The following NOL4 variants were observed in gnomAD, a reference collection of about 807,000 sequenced individuals.
The protein encoded by NOL4 is nucleolar protein 4.
A neutral mutation model predicts 75.9 loss-of-function variants in NOL4; 17 were observed. The observed-to-expected ratio is 0.22, with a 90% CI of 0.15 to 0.34. NOL4 has a LOEUF of 0.34. Among genes scored for constraint, NOL4 ranks in the 10% least tolerant of loss-of-function variants. The pLI is 1.00. For synonymous variants in NOL4, 292 were observed against 289.9 expected, an observed-to-expected ratio of 1.01 and a Z score of -0.07; for missense variants, 614 against 793.5, an observed-to-expected ratio of 0.77 and a Z score of 2.72.
At chr18:34,099,456 C>T (rs1461004050) in intron 4 of NOL4, among the ~76,000 whole-genome samples, 2 of 151,622 alleles carry the variant, frequency 1.3e-5, no homozygotes, top group African/African-American at 4.8e-5. Context: ...ATGAACTCTT[C>T]CCTAATGATC....
intron 1 of NOL4, among the ~76,000 whole-genome samples, chr18:34,139,599 T>C (rs2081054262): frequency 1.3e-5 from 2 of 152,196 alleles, no homozygotes; most frequent in Admixed American, 1.3e-4. Context: ...TAGCGCTCTA[T>C]CAATTTTGTT....
intron 6 of NOL4, among the ~76,000 whole-genome samples, chr18:34,012,969 A>C (rs951426573): frequency 6.6e-6 from 1 of 151,948 alleles, no homozygotes; most frequent in Non-Finnish European, 1.5e-5. Flanking sequence ...GAGGCAGGTG[A>C]CCTGGGTTAA....
chr18:34,060,332 C>T (rs892088660), intron 5 of NOL4, among the ~76,000 whole-genome samples: 2 of 152,064 alleles, frequency 1.3e-5, no homozygotes. Context: ...TGTGTTTACT[C>T]TTTCAATTTT....
intron 5 of NOL4, among the ~76,000 whole-genome samples, chr18:34,064,396 C>A (rs1367875567): frequency 1.3e-5 from 2 of 151,950 alleles, no homozygotes; most frequent in Non-Finnish European, 2.9e-5. Flanking sequence ...GAGCACATGT[C>A]CTTTTCCTCC....
chr18:34,035,629 A>T lies in NOL4; in HGVS notation c.773-16028T>A, dbSNP rs560433231. ...CCAAAAACAGCAAAAGGAAAAAAAA[A>T]TAATGATTAAAGCAGAACTAAATGA... On this transcript the variant is annotated intron_variant, in intron 5 of 10. Transcript: ENST00000261592. Among the ~76,000 whole-genome samples the T allele has an allele frequency of 2.6e-5, 4 of 152,170 alleles. No individual in the cohort carries two copies. In the East Asian group the frequency reaches 5.8e-4, roughly 22 times the overall value.
chr18:34,036,848 C>T (rs576646909), intron 5 of NOL4, among the ~76,000 whole-genome samples: 1 of 152,306 alleles, frequency 6.6e-6, no homozygotes, highest in South Asian at 2.1e-4. Flanking sequence ...AGGAGAATCG[C>T]TTGAACCCGA....
intron 6 of NOL4, among the ~76,000 whole-genome samples, chr18:33,995,392 T>C (rs923646888): frequency 6.6e-6 from 1 of 151,694 alleles, no homozygotes; most frequent in Non-Finnish European, 1.5e-5. Flanking sequence ...CAGAAGCACA[T>C]GAATATAATT....
At chr18:34,054,475 A>G (rs1372754333) in intron 5 of NOL4, among the ~76,000 whole-genome samples, 1 of 151,848 alleles carries the variant, frequency 6.6e-6, no homozygotes, top group Non-Finnish European at 1.5e-5. Context: ...TGTCTCTTCT[A>G]ACCATTTTTA....
intron 1 of NOL4, among the ~76,000 whole-genome samples, chr18:34,151,265 G>A (rs1360934658): frequency 6.6e-6 from 1 of 151,802 alleles, no homozygotes; most frequent in East Asian, 1.9e-4. Context: ...ACACACAGAT[G>A]TTTATAGCAG....
intron 1 of NOL4, among the ~76,000 whole-genome samples, chr18:34,167,126 A>T (rs1420440181): frequency 6.6e-6 from 1 of 150,720 alleles, no homozygotes; most frequent in East Asian, 1.9e-4. Context: ...CAAAGTCTTT[A>T]TATCATATTA....
chr18:33,908,144 T>C lies in NOL4; in HGVS notation c.1543-24720A>G, dbSNP rs142758007. Among the ~76,000 whole-genome samples, 1,175 of 152,304 alleles carry C rather than the reference T, an allele frequency of 7.7e-3. 11 individuals carry two copies. The highest frequency in any genetic ancestry group is 0.027 in the African/African-American group (1,128 of 41,570). On this transcript the variant is annotated intron_variant, in intron 9 of 10. Transcript: ENST00000261592. ...AAAGTGCCCTCTCAGATACTATGCA[T>C]TTTTCACAGGAGTCAGTTACCCAAC...
intron 9 of NOL4, among the ~76,000 whole-genome samples, chr18:33,903,875 T>C (rs1380778152): frequency 6.6e-6 from 1 of 152,168 alleles, no homozygotes; most frequent in Non-Finnish European, 1.5e-5. Context: ...GTTAAAGTTA[T>C]ACAAAATCAA....
At chr18:33,985,335 A>G (rs2072343839) in intron 6 of NOL4, among the ~76,000 whole-genome samples, 1 of 152,150 alleles carries the variant, frequency 6.6e-6, no homozygotes, top group Admixed American at 6.6e-5. Context: ...TCCTCTGACC[A>G]ATGGGGAAAT....
chr18:33,886,919 C>A (rs375143218), intron 9 of NOL4, among the ~76,000 whole-genome samples: 2 of 107,654 alleles, frequency 1.9e-5, no homozygotes, highest in Non-Finnish European at 4.2e-5. Context: ...TATCTATATA[C>A]ATATATATCT....
At chr18:34,129,765 T>C in intron 2 of NOL4, 106 bp downstream of exon 2, 5 of 1,112,190 alleles carry the variant, frequency 4.5e-6, no homozygotes, top group Non-Finnish European at 6.1e-6. Context: ...TATGGCCTAA[T>C]TTATGTTGAA....
intron 5 of NOL4, among the ~76,000 whole-genome samples, chr18:34,073,114 C>T (rs904708931): frequency 6.6e-6 from 1 of 151,862 alleles, no homozygotes; most frequent in African/African-American, 2.4e-5. Context: ...ACAGAGAAAG[C>T]ACAATATAGC....
chr18:33,937,397 T>C (rs1043023105), intron 9 of NOL4, among the ~76,000 whole-genome samples: 4 of 152,252 alleles, frequency 2.6e-5, no homozygotes, highest in South Asian at 4.1e-4. Flanking sequence ...CTGAAAGACA[T>C]ACATAATTAC....
chr18:33,885,160 T>TA lies in NOL4; in HGVS notation c.1543-1737_1543-1736insT, dbSNP rs1301265978. On this transcript the variant is annotated intron_variant, in intron 9 of 10. Coordinates refer to ENST00000261592, the MANE Select transcript of NOL4 (RefSeq NM_003787.5). ...ATTTATTTTCCAAGCATTACTTTTT[T>TA]TAAAAAAAATCATTCCTCTGAGATA... Among the ~76,000 whole-genome samples the TA allele has an allele frequency of 1.7e-4, 26 of 149,624 alleles. No individual in the cohort carries two copies. In the South Asian group the frequency reaches 2.7e-3, roughly 16 times the overall value.
chr18:34,040,365 GAAGCTATTTTGAGGATT>G (rs1009357382), intron 5 of NOL4, among the ~76,000 whole-genome samples: 6 of 151,774 alleles, frequency 4.0e-5, no homozygotes, highest in Admixed American at 2.0e-4. Flanking sequence ...ATTGCTGATA[GAAGCTATTTTGAGGATT>G]AAGCTATTTT....
Sources: gnomAD v4.1 joint callset for allele counts (sites outside exome capture counted in the v4.1 genomes callset) on GRCh38, gnomAD v4.1.1 for gene constraint, MANE v1.5 for transcripts, NCBI Gene and HGNC (gene_info 2026-07-23, HGNC 2026-07-21) for gene names.